TUSC3: variants seen among roughly 807,000 people sequenced by gnomAD.
TUSC3 encodes dolichyl-diphosphooligosaccharide--protein glycosyltransferase subunit TUSC3.
TUSC3 carries 45 observed loss-of-function variants against 44.8 expected under a neutral mutation model. That is an observed-to-expected ratio of 1.00 (90% CI 0.79 to 1.29). The LOEUF is 1.29. Ranked by LOEUF, TUSC3 falls within the 50% of genes most tolerant of loss-of-function variation. TUSC3 has a pLI of 0.00. For missense variants in TUSC3, 519 were observed against 437.9 expected (o/e 1.19, Z -1.65); for synonymous variants, 212 against 152.9 (o/e 1.39, Z -2.85).
In TUSC3 at chr8:15,540,395, G is replaced by A. The variant is rs1203502977; in HGVS notation, c.-36G>A. On this transcript the variant is annotated 5_prime_UTR_variant, in exon 1 of 11. Transcript: ENST00000503731. ...TGCGCGGTAGGAGCTGGGCGCGCAC[G>A]GCTACCGCGCGTGGAGGAGACACTG... The A allele has an allele frequency of 6.5e-7, 1 of 1,527,884 alleles. No individual in the cohort carries two copies. The highest frequency in any genetic ancestry group is 2.6e-5 in the East Asian group (1 of 38,416). 94.6% of individuals were successfully genotyped at this position (1,527,884 alleles called of 1,614,324 possible). A position where few individuals can be genotyped will look rare whatever the true frequency, so the allele number is the denominator to read the frequency against.
chr8:15,659,765 G>C (rs1371764864), intron 4 of TUSC3, 118 bp downstream of exon 4: 2 of 1,355,468 alleles, frequency 1.5e-6, no homozygotes, highest in South Asian at 2.4e-5. Flanking sequence ...TCCTTGCATA[G>C]AGAAAACTGT....
intron 1 of TUSC3, among the ~76,000 whole-genome samples, chr8:15,467,371 A>G (rs976971018): frequency 1.3e-5 from 2 of 152,042 alleles, no homozygotes; most frequent in Non-Finnish European, 2.9e-5. Flanking sequence ...CAAAAACTAT[A>G]TCTGAAACAT....
At chr8:15,598,235 T>C (rs1015755847) in intron 1 of TUSC3, among the ~76,000 whole-genome samples, 3 of 151,954 alleles carry the variant, frequency 2.0e-5, no homozygotes, top group African/African-American at 7.2e-5. Flanking sequence ...ACATTGAAAG[T>C]TTTTCTTCTG....
intron 1 of TUSC3, among the ~76,000 whole-genome samples, chr8:15,562,626 G>T (rs1434752313): frequency 1.3e-5 from 2 of 152,050 alleles, no homozygotes; most frequent in East Asian, 1.9e-4. Flanking sequence ...GAATCTCTGG[G>T]TCCTCTTCTC....
chr8:15,667,885 C>G (rs1807742178), intron 5 of TUSC3, among the ~76,000 whole-genome samples: 1 of 151,586 alleles, frequency 6.6e-6, no homozygotes, highest in Non-Finnish European at 1.5e-5. Context: ...ACATCTTGAC[C>G]CTTTGGAAAA....
At position 15,649,083 on chromosome 8, in the gene TUSC3, G is replaced by C. The variant is rs537178996; in HGVS notation, c.309-1614G>C. On this transcript the variant is annotated intron_variant, in intron 2 of 10. Coordinates refer to ENST00000503731, the MANE Select transcript of TUSC3 (RefSeq NM_006765.4). Reference sequence around the variant, plus strand: ...TCTTGATAAATACAATATCTTTTCTGACAGAATTTTTATAAGTATGTTAGT... The same window carrying C: ...TCTTGATAAATACAATATCTTTTCTCACAGAATTTTTATAAGTATGTTAGT... Among the ~76,000 whole-genome samples the C allele has an allele frequency of 5.5e-4, 84 of 152,216 alleles. No individual in the cohort carries two copies. The South Asian group carries it at 0.016, about 29-fold the overall frequency.
intron 2 of TUSC3, among the ~76,000 whole-genome samples, chr8:15,485,786 TTTTG>T (rs138212805): frequency 5.3e-5 from 8 of 151,808 alleles, no homozygotes; most frequent in African/African-American, 9.7e-5. Flanking sequence ...AGTTTGAGTT[TTTTG>T]TTTGTTTGTT....
Position 15,554,823 on chromosome 8 carries a change from T to C in TUSC3, c.138+14255T>C, listed in dbSNP as rs1472799965. The stretch of plus-strand genomic sequence containing the variant: ...GGTTTCACCGTGTTAGCCAGGATGG[T>C]GTCGATCTCCTGACCTCGTGATCCA... On this transcript the variant is annotated intron_variant, in intron 1 of 10. Coordinates refer to ENST00000503731, the MANE Select transcript of TUSC3 (RefSeq NM_006765.4). 2.6e-5 allele frequency among the ~76,000 whole-genome samples: 4 copies of C among 151,098 alleles called. 1 individual carries two copies. The East Asian group carries it at 7.9e-4, about 30-fold the overall frequency.
chr8:15,609,308 A>T (rs73193381), intron 1 of TUSC3, among the ~76,000 whole-genome samples: 3 of 152,300 alleles, frequency 2.0e-5, no homozygotes, highest in Admixed American at 1.3e-4. Flanking sequence ...ATTTTATGAT[A>T]TAATGTATTA....
chr8:15,812,336 A>G, the TUSC3 span, among the ~76,000 whole-genome samples: 2 of 152,202 alleles, frequency 1.3e-5, no homozygotes, highest in African/African-American at 4.8e-5. Context: ...TGTACGTTCT[A>G]ACTATTTCTA....
rs534780416 is a variant in TUSC3, at chr8:15,762,163, AT to A, written c.*47-2035del. Among the ~76,000 whole-genome samples the A allele has an allele frequency of 5.5e-3, 839 of 152,088 alleles. 6 individuals are homozygous for A. The highest frequency in any genetic ancestry group is 0.019 in the African/African-American group (799 of 41,546). ...TTTAACCAGTCAAAACATTTTTGACATTTTTGTGCTTCAAGTGTTTCCAGTG... is the reference window on the plus strand; with the variant it reads ...TTTAACCAGTCAAAACATTTTTGACATTTTGTGCTTCAAGTGTTTCCAGTG... On this transcript the variant is annotated intron_variant, in intron 10 of 10. Transcript: ENST00000503731.
At chr8:15,593,071 A>T (rs918762425) in intron 1 of TUSC3, among the ~76,000 whole-genome samples, 1 of 152,088 alleles carries the variant, frequency 6.6e-6, no homozygotes, top group Non-Finnish European at 1.5e-5. Flanking sequence ...TTTATTATAT[A>T]TTAATGTGCT....
intron 6 of TUSC3, among the ~76,000 whole-genome samples, chr8:15,683,160 G>A (rs892065194): frequency 6.6e-6 from 1 of 152,104 alleles, no homozygotes; most frequent in Non-Finnish European, 1.5e-5. Context: ...TTCTTGCAGG[G>A]AATCTCTGCA....
rs571090925 is a variant in TUSC3 at position 15,549,855 on chromosome 8, G to T, written c.138+9287G>T. Among the ~76,000 whole-genome samples, 10 of 151,712 alleles carry T rather than the reference G, an allele frequency of 6.6e-5. No individual in the cohort carries two copies. In the South Asian group the frequency reaches 2.1e-3, roughly 32 times the overall value. ...CCATGATGGTGTAGCAGGACGAGCCGCAGACAAGAACCCCTCAGACACTGA... is the reference window on the plus strand; with the variant it reads ...CCATGATGGTGTAGCAGGACGAGCCTCAGACAAGAACCCCTCAGACACTGA... On this transcript the variant is annotated intron_variant, in intron 1 of 10. Coordinates refer to ENST00000503731, the MANE Select transcript of TUSC3 (RefSeq NM_006765.4).
intron 1 of TUSC3, among the ~76,000 whole-genome samples, chr8:15,459,467 A>G (rs1276966819): frequency 2.0e-5 from 3 of 152,076 alleles, no homozygotes; most frequent in Admixed American, 6.6e-5. Flanking sequence ...TTTATTTGAT[A>G]ATATTTTTTA....
chr8:15,552,059 A>C (rs1802078603), intron 1 of TUSC3, among the ~76,000 whole-genome samples: 1 of 151,810 alleles, frequency 6.6e-6, no homozygotes, highest in Non-Finnish European at 1.5e-5. Flanking sequence ...AGAAGCCCAA[A>C]GTAGACAAGC....
chr8:15,831,830 A>C, the TUSC3 span, among the ~76,000 whole-genome samples: 11 of 152,330 alleles, frequency 7.2e-5, no homozygotes, highest in African/African-American at 2.6e-4. Flanking sequence ...GGTGTCTCTG[A>C]AAGAGATGGA....
chr8:15,573,165 T>TCTCC (rs1191309699), intron 1 of TUSC3, among the ~76,000 whole-genome samples: 68 of 104,076 alleles, frequency 6.5e-4, no homozygotes, highest in African/African-American at 2.7e-3. Flanking sequence ...GTGTTCTCTC[T>TCTCC]CTTTCTCTCT....
At chr8:15,624,016 C>A (rs12545772) in intron 2 of TUSC3, among the ~76,000 whole-genome samples, 39,419 of 151,830 alleles carry the variant, frequency 0.26, 5,389 homozygotes, top group Non-Finnish European at 0.31. Context: ...CTAGTCTGTT[C>A]TCCATTTCTA....
Sources: allele counts gnomAD v4.1 joint callset (sites outside exome capture counted in the v4.1 genomes callset), GRCh38; gene constraint gnomAD v4.1.1; transcripts MANE v1.5; gene names NCBI Gene and HGNC (gene_info 2026-07-23, HGNC 2026-07-21).